The following RANGAP1 variants were observed in gnomAD, a reference collection of about 807,000 sequenced individuals.
RANGAP1 encodes the protein Ran GTPase activating protein 1.
A neutral mutation model predicts 63.5 loss-of-function variants in RANGAP1; 38 were observed. The ratio of observed to expected loss-of-function variants is 0.60; its 90% CI spans 0.46 to 0.78. The LOEUF (loss-of-function observed/expected upper bound fraction) is 0.78. RANGAP1 is among the 30% of genes least tolerant of loss of function. The probability of loss-of-function intolerance (pLI) is 0.00; values close to 1 mark genes in which losing one functional copy is unlikely to be tolerated. For synonymous variants in RANGAP1, 329 were observed against 310.5 expected (o/e 1.06, Z -0.63); for missense variants, 630 against 740.3 (o/e 0.85, Z 1.73).
rs1298239895 is a variant in RANGAP1, at chr22:41,267,042, G to A, written c.300+1055C>T. Among the ~76,000 whole-genome samples, 5 of 151,966 alleles carry A rather than the reference G, an allele frequency of 3.3e-5. No homozygotes were observed. In the East Asian group the frequency reaches 7.8e-4, roughly 24 times the overall value. On this transcript the variant is annotated intron_variant, in intron 4 of 15. Coordinates refer to ENST00000356244, the MANE Select transcript of RANGAP1 (RefSeq NM_002883.4). ...ACTACAGGCAGGTGCCACCATGCCA[G>A]CTAATTTTTGTATTTTTAGTAAGAC...
chr22:41,256,727 C>G lies in RANGAP1; in HGVS notation c.872G>C (p.Gly291Ala), dbSNP rs543983054. 284 of 1,613,886 alleles carry G rather than the reference C, an allele frequency of 1.8e-4. 3 individuals carry two copies. In the South Asian group the frequency reaches 2.8e-3, roughly 16 times the overall value. Reference protein sequence around the residue: ...AVAIADAIRGGLPKLKELNLS... With the variant: ...AVAIADAIRGALPKLKELNLS... ...GGCTGGCACCTTTAGCTTGGGCAGG[C>G]CGCCGCGGATGGCATCTGCAATGGC... The change falls in exon 8 of 16, where the codon GGC becomes GCC. Residue 291 changes from glycine (G) to alanine (A), a missense_variant. Physicochemically the swap from Gly to Ala is moderately conservative, Grantham distance 60 (BLOSUM62 0). Transcript: ENST00000356244.
chr22:41,287,940 G>A (rs2035792030), upstream of RANGAP1, among the ~76,000 whole-genome samples: 1 of 151,746 alleles, frequency 6.6e-6, no homozygotes, highest in African/African-American at 2.4e-5. Flanking sequence ...GAGCCGAGAC[G>A]CACCATTGCA....
the RANGAP1 span, among the ~76,000 whole-genome samples, chr22:41,300,292 A>C: frequency 6.6e-6 from 1 of 151,610 alleles, no homozygotes; most frequent in Non-Finnish European, 1.5e-5. Context: ...CATCTAGTTC[A>C]CTTGAGGCAA....
chr22:41,278,104 T>G (rs1257889406), intron 2 of RANGAP1, among the ~76,000 whole-genome samples: 1 of 150,680 alleles, frequency 6.6e-6, no homozygotes, highest in East Asian at 2.0e-4. Flanking sequence ...TGGTGCCATC[T>G]CGGCTCACTG....
intron 15 of RANGAP1, among the ~76,000 whole-genome samples, chr22:41,248,456 C>T (rs1378901830): frequency 6.6e-6 from 1 of 152,224 alleles, no homozygotes; most frequent in Admixed American, 6.5e-5. Flanking sequence ...GCTCACGCTC[C>T]GCCAGCCCCG....
intron 2 of RANGAP1, 71 bp downstream of exon 2, chr22:41,280,862 C>T: frequency 1.2e-6 from 2 of 1,602,006 alleles, no homozygotes; most frequent in Admixed American, 1.7e-5. Context: ...AAGAGCCTGA[C>T]AACCAGTAAG....
At chr22:41,285,577 C>G (rs1013173112) in intron 1 of RANGAP1, 1 of 985,320 alleles carries the variant, frequency 1.0e-6, no homozygotes, top group Non-Finnish European at 1.2e-6. Context: ...CAGCCCGGGG[C>G]CCCCGCGGGC....
intron 5 of RANGAP1, among the ~76,000 whole-genome samples, 188 bp from the exon 6 acceptor site, chr22:41,261,768 T>C (rs977410153): frequency 6.6e-6 from 1 of 151,886 alleles, no homozygotes; most frequent in African/African-American, 2.4e-5. Context: ...ACAAGGTTTT[T>C]ATCTCTAATG....
rs1389669558 is a variant in RANGAP1, at chr22:41,286,182, C to T, written c.-235G>A. On this transcript the variant is annotated 5_prime_UTR_variant, in exon 1 of 16. Transcript: ENST00000356244. ...TTCCAGCACCACCTGCTCTCCGCAC[C>T]GCGGCGGATGATGGCGGAGGAGGAG... 6.6e-6 allele frequency: 1 copy of T among 152,408 alleles called. No homozygotes were observed. The highest frequency in any genetic ancestry group is 1.5e-5 in the Non-Finnish European group (1 of 68,152). The allele number at this position is 152,408 out of a possible 1,614,324, so 9.4% of individuals were successfully genotyped here.
At chr22:41,292,261 C>T in the RANGAP1 span, among the ~76,000 whole-genome samples, 1 of 151,970 alleles carries the variant, frequency 6.6e-6, no homozygotes, top group African/African-American at 2.4e-5. Context: ...GATTCTCCTG[C>T]CTCAGCCTCC....
At chr22:41,249,862 G>A (rs776080955) in intron 13 of RANGAP1, 45 bp from the exon 14 acceptor site, 1 of 1,567,300 alleles carries the variant, frequency 6.4e-7, no homozygotes, top group Non-Finnish European at 8.8e-7. Flanking sequence ...CTATGGCAGA[G>A]GGCTGGGCCA....
At chr22:41,293,734 G>A in the RANGAP1 span, among the ~76,000 whole-genome samples, 5 of 139,714 alleles carry the variant, frequency 3.6e-5, 1 homozygote, top group Admixed American at 2.9e-4. Flanking sequence ...AGCCGAGATC[G>A]CGCCACTGCA....
chr22:41,255,852 GCTGAGGCAGGGGAATCACTTGA>G (rs1403430656), intron 10 of RANGAP1, among the ~76,000 whole-genome samples, 147 bp downstream of exon 10: 2 of 152,096 alleles, frequency 1.3e-5, no homozygotes, highest in African/African-American at 4.8e-5. Flanking sequence ...TACTTGGGAG[GCTGAGGCAGGGGAATCACTTGA>G]ACCCAGGAGG....
chr22:41,249,952 G>C (rs1274625089), intron 13 of RANGAP1, 135 bp from the exon 14 acceptor site: 9 of 724,914 alleles, frequency 1.2e-5, no homozygotes, highest in Non-Finnish European at 1.4e-5. Flanking sequence ...GAACACGAGA[G>C]GGACGGCAGA....
the RANGAP1 span, among the ~76,000 whole-genome samples, chr22:41,293,174 G>A: frequency 6.0e-5 from 9 of 151,152 alleles, no homozygotes; most frequent in African/African-American, 2.2e-4. Flanking sequence ...GGCAGAGCTT[G>A]TAGTGAGCCG....
intron 12 of RANGAP1, 85 bp from the exon 13 acceptor site, chr22:41,251,194 C>G (rs1316499893): frequency 9.6e-7 from 1 of 1,047,050 alleles, no homozygotes; most frequent in Non-Finnish European, 1.5e-6. Context: ...GAGGCCTGGG[C>G]AGTACAAAGG....
chr22:41,261,321 A>C, intron 6 of RANGAP1, 125 bp downstream of exon 6: 1 of 1,407,446 alleles, frequency 7.1e-7, no homozygotes, highest in Non-Finnish European at 9.7e-7. Flanking sequence ...AGGCTTGGAG[A>C]GGGCACGTGA....
At chr22:41,281,288 C>T (rs749520492) in intron 1 of RANGAP1, 24 of 783,650 alleles carry the variant, frequency 3.1e-5, no homozygotes, top group Non-Finnish European at 4.0e-5. Context: ...ACAGAAAAAT[C>T]ATGTCTTAGC....
intron 5 of RANGAP1, among the ~76,000 whole-genome samples, chr22:41,262,620 G>A (rs1452896038): frequency 1.3e-5 from 2 of 152,208 alleles, no homozygotes; most frequent in Non-Finnish European, 2.9e-5. Flanking sequence ...AGAAGAGCCA[G>A]CACCTGCCTG....
Sources: gnomAD v4.1 joint callset for allele counts (sites outside exome capture counted in the v4.1 genomes callset) on GRCh38, gnomAD v4.1.1 for gene constraint, MANE v1.5 for transcripts, NCBI Gene and HGNC (gene_info 2026-07-23, HGNC 2026-07-21) for gene names.